The following MORN1 variants were observed in gnomAD, a reference collection of about 807,000 sequenced individuals.
MORN1 encodes MORN repeat containing 1.
Under a neutral mutation model 61.9 loss-of-function variants are expected in MORN1, and 67 were observed. The ratio of observed to expected loss-of-function variants is 1.08; its 90% CI spans 0.89 to 1.33. The LOEUF (loss-of-function observed/expected upper bound fraction) is 1.33, where lower values mean the gene tolerates loss of function less well. Ranked by LOEUF, MORN1 falls within the 40% of genes most tolerant of loss-of-function variation. The pLI is 0.00. For missense variants in MORN1, 752 were observed against 691.2 expected (o/e 1.09, Z -0.99); for synonymous variants, 301 against 292.0 (o/e 1.03, Z -0.31).
At position 2,368,177 on chromosome 1, in the gene MORN1, C is replaced by A. The variant is rs530014419; in HGVS notation, c.745+4304G>T. ...GCTTGTGTCTAGAATATGTCAAGAA[C>A]TCTTACGACATCTTGATGCAGAGCA... On this transcript the variant is annotated intron_variant, in intron 8 of 13. Transcript: ENST00000378531. Among the ~76,000 whole-genome samples, 50 of 152,364 alleles carry A rather than the reference C, an allele frequency of 3.3e-4. 1 individual carries two copies. The highest frequency in any genetic ancestry group is 1.6e-3 in the Admixed American group (24 of 15,304).
chr1:2,348,037 C>T (rs1247026187), intron 10 of MORN1, among the ~76,000 whole-genome samples: 1 of 152,098 alleles, frequency 6.6e-6, no homozygotes, highest in East Asian at 1.9e-4. Flanking sequence ...GCCTGGGCTT[C>T]CCCGTGGCCC....
intron 10 of MORN1, among the ~76,000 whole-genome samples, chr1:2,348,222 G>A (rs765412518): frequency 1.1e-4 from 16 of 152,250 alleles, no homozygotes; most frequent in Non-Finnish European, 2.4e-4. Flanking sequence ...CCCCCGTGTG[G>A]CCGTGTCTGA....
At chr1:2,367,318 A>G (rs1642017941) in intron 8 of MORN1, among the ~76,000 whole-genome samples, 1 of 151,610 alleles carries the variant, frequency 6.6e-6, no homozygotes, top group African/African-American at 2.4e-5. Context: ...AAAAAAAAAA[A>G]AAAAAAGAAA....
At chr1:2,322,316 C>T (rs1273791021) in intron 13 of MORN1, 4 of 985,292 alleles carry the variant, frequency 4.1e-6, no homozygotes, top group African/African-American at 1.7e-5. Flanking sequence ...GAAAAAGCGC[C>T]TCGGCTGGCC....
chr1:2,361,283 G>A (rs752317085), intron 8 of MORN1, among the ~76,000 whole-genome samples: 9 of 151,794 alleles, frequency 5.9e-5, no homozygotes, highest in Middle Eastern at 3.2e-3. Context: ...AGAGCCGGGC[G>A]CAGTGACTCA....
At position 2,357,247 on chromosome 1, in the gene MORN1, C is replaced by G. The variant is rs991043648; in HGVS notation, c.1036+185G>C. Among the ~76,000 whole-genome samples, 1 of 152,192 alleles carries G rather than the reference C, an allele frequency of 6.6e-6. No individual in the cohort carries two copies. The highest frequency in any genetic ancestry group is 1.5e-5 in the Non-Finnish European group (1 of 68,026). ...AATCGGCTTGAGCCTCCGCAGCCAC[C>G]CGTGACTGCTTGTCTGGGGATGTGG... is the stretch of plus-strand genomic sequence containing the variant. On this transcript the variant is annotated intron_variant, in intron 10 of 13. Transcript: ENST00000378531. The surrounding 1 kb of genome is among the most constrained non-coding windows in gnomAD (Gnocchi z 6.3).
chr1:2,358,482 T>A, intron 9 of MORN1, 110 bp downstream of exon 9: 2 of 1,384,818 alleles, frequency 1.4e-6, no homozygotes, highest in South Asian at 2.5e-5. Flanking sequence ...TCATTTGTCA[T>A]AACCAGGACT....
intron 12 of MORN1, among the ~76,000 whole-genome samples, chr1:2,336,119 G>A (rs992438720): frequency 1.3e-5 from 2 of 152,172 alleles, no homozygotes; most frequent in African/African-American, 4.8e-5. Context: ...CCTGAACCCT[G>A]GCCACCAGCC....
chr1:2,366,505 C>G (rs898300405), intron 8 of MORN1, among the ~76,000 whole-genome samples: 1 of 151,852 alleles, frequency 6.6e-6, no homozygotes, highest in Non-Finnish European at 1.5e-5. Context: ...AAAATAAAAG[C>G]AGAAATAGGC....
intron 1 of MORN1, 49 bp downstream of exon 1, chr1:2,391,409 A>G: frequency 8.0e-7 from 1 of 1,252,856 alleles, no homozygotes; most frequent in South Asian, 3.6e-5. Flanking sequence ...CGCACCCTGA[A>G]TGGAGCCCAG....
At chr1:2,325,424 G>A (rs1018650093) in intron 12 of MORN1, among the ~76,000 whole-genome samples, 1 of 150,254 alleles carries the variant, frequency 6.7e-6, no homozygotes, top group Admixed American at 6.7e-5. Flanking sequence ...CAATCCCCTC[G>A]CCTTAGCCTT....
chr1:2,324,712 C>A lies in MORN1; in HGVS notation c.1251-569G>T, dbSNP rs578029516. On this transcript the variant is annotated intron_variant, in intron 12 of 13. Transcript: ENST00000378531. ...GCCCAGGGGTCCTGCCGGGGCCTCC[C>A]CGTGGAGACACTCACTGCCCTGGCT... 1.9e-4 allele frequency among the ~76,000 whole-genome samples: 29 copies of A among 152,258 alleles called. No homozygotes were observed. The South Asian group carries it at 5.8e-3, about 30-fold the overall frequency.
intron 6 of MORN1, among the ~76,000 whole-genome samples, chr1:2,380,889 GAC>G (rs1464471975): frequency 2.0e-5 from 3 of 152,154 alleles, no homozygotes; most frequent in African/African-American, 7.2e-5. Flanking sequence ...CTAAATATTT[GAC>G]TAATGACACC....
intron 8 of MORN1, among the ~76,000 whole-genome samples, chr1:2,366,820 G>A (rs917889713): frequency 6.6e-6 from 1 of 152,130 alleles, no homozygotes; most frequent in African/African-American, 2.4e-5. Context: ...ACAGGTATGA[G>A]GCACTGCACC....
At chr1:2,325,306 T>TC (rs1236722215) in intron 12 of MORN1, among the ~76,000 whole-genome samples, 12 of 136,338 alleles carry the variant, frequency 8.8e-5, no homozygotes, top group African/African-American at 3.1e-4. Flanking sequence ...CTCTCTCTCT[T>TC]TTTCTCTCCT....
At chr1:2,389,122 A>G in intron 2 of MORN1, among the ~76,000 whole-genome samples, 1 of 112,498 alleles carries the variant, frequency 8.9e-6, no homozygotes, top group African/African-American at 2.8e-5. Context: ...CCAAAAAAAA[A>G]AAAAAAGAAA....
At chr1:2,340,109 T>C (rs1220045071) in intron 10 of MORN1, among the ~76,000 whole-genome samples, 1 of 152,202 alleles carries the variant, frequency 6.6e-6, no homozygotes, top group Non-Finnish European at 1.5e-5. Flanking sequence ...AGATGGCCAC[T>C]GTCCCCACAG....
intron 6 of MORN1, 149 bp downstream of exon 6, chr1:2,384,829 G>A (rs1642452976): frequency 1.5e-6 from 1 of 650,858 alleles, no homozygotes; most frequent in Non-Finnish European, 2.5e-6. Context: ...AGGGGAGAGA[G>A]AAACTTATCT....
At chr1:2,359,920 G>T (rs1345227647) in intron 8 of MORN1, among the ~76,000 whole-genome samples, 1 of 151,994 alleles carries the variant, frequency 6.6e-6, no homozygotes, top group Non-Finnish European at 1.5e-5. Context: ...GAAGAGGAAG[G>T]AGACCAGTCC....
Sources: allele counts gnomAD v4.1 joint callset (sites outside exome capture counted in the v4.1 genomes callset), GRCh38; gene constraint gnomAD v4.1.1; non-coding constraint Gnocchi (gnomAD v3.1); transcripts MANE v1.5; gene names NCBI Gene and HGNC (gene_info 2026-07-23, HGNC 2026-07-21).